Variants in SPAG16 observed in about 807,000 individuals in gnomAD.
SPAG16 encodes the protein sperm-associated antigen 16 protein.
Under a neutral mutation model 80.4 loss-of-function variants are expected in SPAG16, and 86 were observed. The ratio of observed to expected loss-of-function variants is 1.07; its 90% CI spans 0.90 to 1.28. The LOEUF (loss-of-function observed/expected upper bound fraction) is 1.28. Among genes scored for constraint, SPAG16 ranks in the 50% most tolerant of loss-of-function variants. The pLI is 0.00. For missense variants in SPAG16, 870 were observed against 765.3 expected, an observed-to-expected ratio of 1.14 and a Z score of -1.61; for synonymous variants, 294 against 265.9, an observed-to-expected ratio of 1.11 and a Z score of -1.03.
chr2:213,819,859 C>T (rs549191336), intron 10 of SPAG16, among the ~76,000 whole-genome samples: 1 of 151,566 alleles, frequency 6.6e-6, no homozygotes, highest in Admixed American at 6.6e-5. Context: ...CGGGTTCAAA[C>T]AATTCTCCTG....
chr2:213,887,400 C>T (rs535268133), intron 11 of SPAG16, among the ~76,000 whole-genome samples: 24 of 151,764 alleles, frequency 1.6e-4, no homozygotes, highest in East Asian at 9.7e-4. Context: ...TTATGTATTT[C>T]GTAAAATGAC....
chr2:213,349,690 A>T (rs1274737820), intron 6 of SPAG16, among the ~76,000 whole-genome samples: 1 of 152,216 alleles, frequency 6.6e-6, no homozygotes, highest in Non-Finnish European at 1.5e-5. Context: ...TGGAATATAC[A>T]TACATACAAG....
At chr2:214,030,513 T>G (rs1465039994) in intron 13 of SPAG16, among the ~76,000 whole-genome samples, 1 of 152,194 alleles carries the variant, frequency 6.6e-6, no homozygotes, top group Non-Finnish European at 1.5e-5. Context: ...TAATATTTTA[T>G]GTATATGGTA....
intron 13 of SPAG16, among the ~76,000 whole-genome samples, chr2:214,075,294 C>A (rs1576080114): frequency 6.6e-6 from 1 of 151,760 alleles, no homozygotes. Flanking sequence ...TCCTCACATA[C>A]CCAAAAGTCA....
chr2:213,619,833 G>A lies in SPAG16; in HGVS notation c.1070+129743G>A, dbSNP rs1332549674. Among the ~76,000 whole-genome samples, 2 of 152,124 alleles carry A rather than the reference G, an allele frequency of 1.3e-5. 1 individual carries two copies. ...TGGATATTTATCCAAAGGAAAGGAA[G>A]TCGGTATATTTAACAGGCATCTGCA... On this transcript the variant is annotated intron_variant, in intron 10 of 15. Coordinates refer to ENST00000331683, the MANE Select transcript of SPAG16 (RefSeq NM_024532.5).
At chr2:214,393,491 G>C (rs1245640023) in intron 15 of SPAG16, among the ~76,000 whole-genome samples, 2 of 151,374 alleles carry the variant, frequency 1.3e-5, no homozygotes, top group African/African-American at 2.4e-5. Context: ...AGTATTTTCA[G>C]GTCTAAAAAA....
intron 14 of SPAG16, among the ~76,000 whole-genome samples, chr2:214,132,129 T>A (rs978828102): frequency 3.9e-5 from 6 of 152,184 alleles, no homozygotes; most frequent in African/African-American, 1.4e-4. Context: ...TTAAAAATAA[T>A]CAGTGGGTAT....
chr2:213,788,502 A>T (rs568453985), intron 10 of SPAG16, among the ~76,000 whole-genome samples: 56 of 151,846 alleles, frequency 3.7e-4, no homozygotes, highest in Non-Finnish European at 6.9e-4. Flanking sequence ...TCTGTGCAAG[A>T]TTCTTTGTTA....
At chr2:213,538,207 C>CA (rs1468842758) in intron 10 of SPAG16, among the ~76,000 whole-genome samples, 6 of 152,068 alleles carry the variant, frequency 3.9e-5, no homozygotes, top group African/African-American at 1.4e-4. Context: ...GTACATGTAG[C>CA]AAAAAATTTG....
chr2:214,047,399 G>A (rs977020189), intron 13 of SPAG16, among the ~76,000 whole-genome samples: 4 of 152,044 alleles, frequency 2.6e-5, no homozygotes, highest in African/African-American at 9.7e-5. Flanking sequence ...CACACCTACA[G>A]TGAACTCACT....
intron 10 of SPAG16, among the ~76,000 whole-genome samples, chr2:213,698,453 G>C (rs564603776): frequency 6.6e-6 from 1 of 152,090 alleles, no homozygotes; most frequent in South Asian, 2.1e-4. Context: ...GTACAGATGA[G>C]GTCTCACCAT....
intron 10 of SPAG16, among the ~76,000 whole-genome samples, chr2:213,698,068 T>C (rs2065238214): frequency 1.3e-5 from 2 of 152,200 alleles, no homozygotes; most frequent in South Asian, 2.1e-4. Context: ...TTTTTACTTC[T>C]ACCCTTTTCA....
intron 15 of SPAG16, among the ~76,000 whole-genome samples, chr2:214,323,282 G>GT (rs1452704166): frequency 6.6e-5 from 10 of 151,568 alleles, no homozygotes; most frequent in Admixed American, 1.3e-4. Flanking sequence ...GCATGCACTG[G>GT]TATTACAAAA....
chr2:214,331,733 A>G (rs2126012852), intron 15 of SPAG16, among the ~76,000 whole-genome samples: 1 of 152,316 alleles, frequency 6.6e-6, no homozygotes, highest in African/African-American at 2.4e-5. Flanking sequence ...CAGCCTTGGC[A>G]TCATCTTGAG....
intron 9 of SPAG16, among the ~76,000 whole-genome samples, chr2:213,384,280 A>G (rs2067316593): frequency 6.6e-6 from 1 of 152,200 alleles, no homozygotes; most frequent in African/African-American, 2.4e-5. Context: ...ATTTCCCACC[A>G]TAGTATCATA....
At chr2:214,290,561 TG>T (rs1693725138) in intron 15 of SPAG16, among the ~76,000 whole-genome samples, 1 of 152,192 alleles carries the variant, frequency 6.6e-6, no homozygotes, top group Admixed American at 6.5e-5. Flanking sequence ...CCCACAAGTT[TG>T]GGTATTTTTG....
chr2:214,385,649 G>A (rs1347656824), intron 15 of SPAG16, among the ~76,000 whole-genome samples: 1 of 152,164 alleles, frequency 6.6e-6, no homozygotes, highest in African/African-American at 2.4e-5. Context: ...TTCAAGACCA[G>A]CCTGGCCCAC....
chr2:213,435,415 G>T (rs1051633905), intron 9 of SPAG16, among the ~76,000 whole-genome samples: 1 of 152,110 alleles, frequency 6.6e-6, no homozygotes, highest in African/African-American at 2.4e-5. Context: ...TGAGGGACAA[G>T]AAATTACTTA....
At position 213,371,431 on chromosome 2, in the gene SPAG16, C is replaced by T. The variant is rs188615593; in HGVS notation, c.833-3579C>T. On this transcript the variant is annotated intron_variant, in intron 8 of 15. Coordinates refer to ENST00000331683, the MANE Select transcript of SPAG16 (RefSeq NM_024532.5). ...AAAAAAAAAAAAAGAAAAGAAAAGA[C>T]GATTTATTGGTTAAGTGGTTGTTCT... Among the ~76,000 whole-genome samples the T allele has an allele frequency of 1.3e-4, 18 of 139,350 alleles. No individual in the cohort carries two copies. In the East Asian group the frequency reaches 1.9e-3, roughly 15 times the overall value. The allele number at this position is 139,350 out of a possible 152,430, so 91.4% of individuals were successfully genotyped here. A position where few individuals can be genotyped will look rare whatever the true frequency, so the allele number is the denominator to read the frequency against.
Sources: allele counts gnomAD v4.1 joint callset (sites outside exome capture counted in the v4.1 genomes callset), GRCh38; gene constraint gnomAD v4.1.1; transcripts MANE v1.5; gene names NCBI Gene and HGNC (gene_info 2026-07-23, HGNC 2026-07-21).